KIF15: variants seen among roughly 807,000 people sequenced by gnomAD.
KIF15 encodes kinesin family member 15.
KIF15 carries 140 observed loss-of-function variants against 190.6 expected under a neutral mutation model. The ratio of observed to expected loss-of-function variants is 0.73; its 90% confidence interval spans 0.64 to 0.84. The LOEUF (loss-of-function observed/expected upper bound fraction) is 0.84, where lower values mean the gene tolerates loss of function less well. Ranked by LOEUF, KIF15 falls within the 40% of genes least tolerant of loss-of-function variation. The probability of loss-of-function intolerance (pLI) is 0.00; values close to 1 mark genes in which losing one functional copy is unlikely to be tolerated. For missense variants in KIF15, 1,372 were observed against 1,584.4 expected, an observed-to-expected ratio of 0.87 and a Z score of 2.28; for synonymous variants, 528 against 551.3, an observed-to-expected ratio of 0.96 and a Z score of 0.59.
At chr3:44,802,190 A>G (rs956782272) in intron 13 of KIF15, among the ~76,000 whole-genome samples, 1 of 152,226 alleles carries the variant, frequency 6.6e-6, no homozygotes, top group East Asian at 1.9e-4. Context: ...GCTACATAGT[A>G]TGCTACTCTA....
intron 7 of KIF15, among the ~76,000 whole-genome samples, chr3:44,793,634 T>C (rs532783153): frequency 3.9e-5 from 6 of 152,210 alleles, no homozygotes; most frequent in Non-Finnish European, 7.3e-5. Flanking sequence ...TTGGTGGCTG[T>C]TGTGTACCAT....
chr3:44,821,896 C>T lies in KIF15; in HGVS notation c.2550-4143C>T, dbSNP rs546024533. Among the ~76,000 whole-genome samples, 6 of 152,344 alleles carry T rather than the reference C, an allele frequency of 3.9e-5. No homozygotes were observed. The East Asian group carries it at 7.7e-4, about 20-fold the overall frequency. ...CGGCACCTCGGGAGGCCGAGGCTGG[C>T]GGATCACTCGCGGTTAGGAGCTGGA... is the stretch of plus-strand genomic sequence containing the variant. On this transcript the variant is annotated intron_variant, in intron 20 of 34. Coordinates refer to ENST00000326047, the MANE Select transcript of KIF15 (RefSeq NM_020242.3).
At position 44,774,383 on chromosome 3, in the gene KIF15, T is replaced by G. The variant is rs767766141; in HGVS notation, c.20-12T>G. On this transcript the variant is annotated splice_polypyrimidine_tract_variant and intron_variant, in intron 1 of 34. Transcript: ENST00000326047. ...AATTTAAATGACCTTTAATAACTTTTTTTTTTTCTAGCTGAGTTACGCAGC... is the reference window on the plus strand; with the variant it reads ...AATTTAAATGACCTTTAATAACTTTGTTTTTTTCTAGCTGAGTTACGCAGC... 1 of 1,611,222 alleles carries G rather than the reference T, an allele frequency of 6.2e-7. No homozygotes were observed. The highest frequency in any genetic ancestry group is 2.2e-5 in the East Asian group (1 of 44,880).
intron 29 of KIF15, 88 bp downstream of exon 29, chr3:44,841,326 T>G: frequency 2.0e-6 from 2 of 978,080 alleles, no homozygotes; most frequent in Non-Finnish European, 3.0e-6. Flanking sequence ...AAGTGATCCA[T>G]TTGCCTCAGC....
intron 32 of KIF15, among the ~76,000 whole-genome samples, chr3:44,848,780 A>G (rs1247988660): frequency 6.6e-6 from 1 of 152,204 alleles, no homozygotes; most frequent in East Asian, 1.9e-4. Flanking sequence ...GGAAAAGCCT[A>G]GCTTCCCTTG....
chr3:44,862,284 GGGCGGCGCTGC>G (rs1459015934), intron 6 of KIF15: 224 of 295,180 alleles, frequency 7.6e-4, no homozygotes, highest in African/African-American at 4.8e-3. Flanking sequence ...CCCGGGCCGC[GGGCGGCGCTGC>G]GGTCAGCTGG....
In KIF15 at chr3:44,805,082, T is replaced by G. The variant is rs1276571339; in HGVS notation, c.1743T>G (p.Thr581=). 1 of 1,613,700 alleles carries G rather than the reference T, an allele frequency of 6.2e-7. No homozygotes were observed. The highest frequency in any genetic ancestry group is 8.5e-7 in the Non-Finnish European group (1 of 1,179,810). Residue 581 remains threonine, a synonymous_variant, in exon 15 of 35, where the codon ACT becomes ACG. Coordinates refer to ENST00000326047, the MANE Select transcript of KIF15 (RefSeq NM_020242.3). ...AQKEPCLFAN[T]EKLKAQLLQI... is the part of the protein sequence containing the mutation. ...AAGAGCCATGTTTGTTTGCAAACAC[T>G]GAGAAGTTAAAAGCACAACTCCTGC...
chr3:44,843,218 A>G lies in KIF15; in HGVS notation c.3679A>G (p.Arg1227Gly). 1.2e-6 allele frequency: 2 copies of G among 1,611,916 alleles called. No homozygotes were observed. Among genetic ancestry groups the G allele is most frequent in the Non-Finnish European group, 1.7e-6 (2 of 1,178,430 alleles). ...GCAAGGTCAGCTGGATGATATTAAAAGACAAAAGGAAAACAGGTGAGAAAG... is the reference window on the plus strand; with the variant it reads ...GCAAGGTCAGCTGGATGATATTAAAGGACAAAAGGAAAACAGGTGAGAAAG... ...LLQGQLDDIK[R>G]QKENSDQNHP... The change falls in exon 30 of 35, where the codon AGA (arginine) becomes GGA (glycine). Residue 1227 changes from arginine (R) to glycine (G), a missense_variant. Physicochemically the swap from Arg to Gly is moderately radical, Grantham distance 125 (BLOSUM62 -2). Coordinates refer to ENST00000326047, the MANE Select transcript of KIF15 (RefSeq NM_020242.3).
chr3:44,838,840 G>A (rs914349726), intron 27 of KIF15, among the ~76,000 whole-genome samples: 1 of 151,802 alleles, frequency 6.6e-6, no homozygotes, highest in Non-Finnish European at 1.5e-5. Flanking sequence ...CATGTACAAA[G>A]GGGAGGCTAA....
At chr3:44,815,201 C>T (rs1575633202) in intron 20 of KIF15, 125 bp downstream of exon 20, 1 of 819,332 alleles carries the variant, frequency 1.2e-6, no homozygotes, top group African/African-American at 1.8e-5. Flanking sequence ...TTTATTGGCT[C>T]CAATATTGGA....
At position 44,841,150 on chromosome 3, in the gene KIF15, G is replaced by A; in HGVS notation, c.3497G>A (p.Gly1166Glu). 3 of 1,613,220 alleles carry A rather than the reference G, an allele frequency of 1.9e-6. No homozygotes were observed. The highest frequency in any genetic ancestry group is 1.7e-6 in the Non-Finnish European group (2 of 1,179,292). ...LETQEQEIEDGRASKTSLEHL... is the reference protein window; with the variant it reads ...LETQEQEIEDERASKTSLEHL... ...ACACAAGAACAAGAGATAGAAGATG[G>A]AAGAGCCTCTAAGACTTCTTTGGAA... Residue 1166 changes from glycine (G) to glutamate (E), a missense_variant, in exon 29 of 35, where the codon GGA becomes GAA. Coordinates refer to ENST00000326047, the MANE Select transcript of KIF15 (RefSeq NM_020242.3).
intron 26 of KIF15, among the ~76,000 whole-genome samples, chr3:44,832,836 A>G (rs1390442402): frequency 6.6e-6 from 1 of 151,822 alleles, no homozygotes; most frequent in Non-Finnish European, 1.5e-5. Flanking sequence ...CCAACATGGT[A>G]AAACCCCATC....
chr3:44,782,167 C>T (rs1291461683), intron 5 of KIF15, among the ~76,000 whole-genome samples: 2 of 152,180 alleles, frequency 1.3e-5, no homozygotes, highest in South Asian at 2.1e-4. Flanking sequence ...TCTCCAGCCT[C>T]AGCTTCCCAA....
chr3:44,772,911 CA>C (rs746156473), intron 1 of KIF15, among the ~76,000 whole-genome samples: 4 of 152,160 alleles, frequency 2.6e-5, no homozygotes, highest in Non-Finnish European at 5.9e-5. Context: ...CAAAGTTTGC[CA>C]TTAACCAGTT....
At chr3:44,820,004 CTTCT>C (rs1708191299) in intron 20 of KIF15, among the ~76,000 whole-genome samples, 3 of 152,102 alleles carry the variant, frequency 2.0e-5, no homozygotes, top group Admixed American at 6.6e-5. Context: ...ATGTAATGGC[CTTCT>C]TTGTCTCTTT....
At chr3:44,849,600 ATTTTTCC>A (rs886841575) in intron 32 of KIF15, among the ~76,000 whole-genome samples, 16 of 152,060 alleles carry the variant, frequency 1.1e-4, no homozygotes, top group African/African-American at 2.9e-4. Context: ...AAAATTTTAC[ATTTTTCC>A]TTTTTCCTTT....
At chr3:44,838,459 A>G (rs746785833) in intron 27 of KIF15, 38 bp downstream of exon 27, 23 of 1,591,544 alleles carry the variant, frequency 1.4e-5, no homozygotes, top group Non-Finnish European at 1.7e-5. Flanking sequence ...ATGGGAGACA[A>G]GAGACCAAGT....
intron 26 of KIF15, among the ~76,000 whole-genome samples, chr3:44,831,383 C>A (rs151288766): frequency 4.5e-4 from 68 of 152,156 alleles, no homozygotes; most frequent in African/African-American, 1.4e-3. Context: ...AATAATTTCA[C>A]CAAAATTATT....
chr3:44,773,276 C>T (rs1575577000), intron 1 of KIF15, among the ~76,000 whole-genome samples: 1 of 152,170 alleles, frequency 6.6e-6, no homozygotes, highest in Admixed American at 6.5e-5. Flanking sequence ...GTTTTTGCAG[C>T]AGGGAGAGAA....
Sources: gnomAD v4.1 joint callset for allele counts (sites outside exome capture counted in the v4.1 genomes callset) on GRCh38, gnomAD v4.1.1 for gene constraint, MANE v1.5 for transcripts, NCBI Gene and HGNC (gene_info 2026-07-23, HGNC 2026-07-21) for gene names.